MTMR9: variants seen among roughly 807,000 people sequenced by gnomAD.
MTMR9 encodes the protein myotubularin-related protein 9.
A neutral mutation model predicts 69.5 loss-of-function variants in MTMR9; 39 were observed. The observed-to-expected ratio is 0.56, with a 90% confidence interval of 0.43 to 0.73. MTMR9 has a LOEUF of 0.73. Among genes scored for constraint, MTMR9 ranks in the 30% least tolerant of loss-of-function variants. MTMR9 has a pLI of 0.00. For missense variants in MTMR9, 900 were observed against 671.2 expected, an observed-to-expected ratio of 1.34 and a Z score of -3.77; for synonymous variants, 354 against 240.8, an observed-to-expected ratio of 1.47 and a Z score of -4.35.
At chr8:11,287,865 A>G (rs1375407059) in intron 1 of MTMR9, among the ~76,000 whole-genome samples, 1 of 110,854 alleles carries the variant, frequency 9.0e-6, no homozygotes, top group African/African-American at 4.6e-5. Context: ...GTTATATATT[A>G]TATTATAATA....
At chr8:11,330,519 T>A (rs988559350), downstream of MTMR9, among the ~76,000 whole-genome samples, 1 of 152,132 alleles carries the variant, frequency 6.6e-6, no homozygotes. Flanking sequence ...AGATTGTTGC[T>A]GTGTCTGTGT....
At chr8:11,288,256 A>G (rs979260073) in intron 1 of MTMR9, among the ~76,000 whole-genome samples, 3 of 132,336 alleles carry the variant, frequency 2.3e-5, no homozygotes, top group African/African-American at 9.4e-5. Context: ...TTATATTATA[A>G]TAATTATATA....
chr8:11,317,644 C>T (rs1278243011), intron 8 of MTMR9: 1 of 152,274 alleles, frequency 6.6e-6, no homozygotes, highest in Non-Finnish European at 1.5e-5. Flanking sequence ...GATCCCTGGC[C>T]TAAATTACAG....
At chr8:11,332,843 A>G (rs943993714), downstream of MTMR9, among the ~76,000 whole-genome samples, 5 of 152,038 alleles carry the variant, frequency 3.3e-5, no homozygotes, top group Admixed American at 3.3e-4. Context: ...CTTGTGATCC[A>G]CCCGCCTTGG....
chr8:11,316,616 T>C, intron 7 of MTMR9, 57 bp from the exon 8 acceptor site: 1 of 1,158,858 alleles, frequency 8.6e-7, no homozygotes, highest in Non-Finnish European at 1.2e-6. Flanking sequence ...GTCGGTAGAA[T>C]GCTCTGTCAT....
downstream of MTMR9, chr8:11,332,105 A>G (rs767608848): frequency 3.1e-6 from 5 of 1,611,904 alleles, 1 homozygote; most frequent in Admixed American, 3.3e-5. Context: ...GTGAGAGGAC[A>G]GGGAAGGTGG....
chr8:11,301,094 G>C (rs1314658380), intron 3 of MTMR9, among the ~76,000 whole-genome samples: 1 of 152,164 alleles, frequency 6.6e-6, no homozygotes, highest in African/African-American at 2.4e-5. Flanking sequence ...TAAAGTGGCA[G>C]TTCTCCCTTA....
In MTMR9 at chr8:11,316,866, C is replaced by T. The variant is rs1563283636; in HGVS notation, c.1307C>T (p.Thr436Ile). 2 of 1,605,566 alleles carry T rather than the reference C, an allele frequency of 1.2e-6. No individual in the cohort carries two copies. The highest frequency in any genetic ancestry group is 1.1e-5 in the South Asian group (1 of 89,452). ...CATGCTTATGCCTCACAGTTTGGAA[C>T]ATTTCTGGGCAACAATGAAAGTGAA... ...FEHAYASQFG[T>I]FLGNNESERC... The change falls in exon 8 of 10, where the codon ACA (threonine) becomes ATA (isoleucine). Residue 436 changes from threonine (T) to isoleucine (I), a missense_variant. Physicochemically the swap from Thr to Ile is moderately conservative, Grantham distance 89. Coordinates refer to ENST00000221086, the MANE Select transcript of MTMR9 (RefSeq NM_015458.4).
At chr8:11,298,027 A>G (rs1349206279) in intron 2 of MTMR9, 8 of 436,414 alleles carry the variant, frequency 1.8e-5, no homozygotes, top group Non-Finnish European at 2.8e-5. Context: ...ACTCAAATAT[A>G]TTCTGCTGCC....
At chr8:11,311,802 G>C (rs1157277519) in intron 6 of MTMR9, among the ~76,000 whole-genome samples, 1 of 151,800 alleles carries the variant, frequency 6.6e-6, no homozygotes, top group Non-Finnish European at 1.5e-5. Context: ...TTTACCCACG[G>C]TTGAACTTGC....
chr8:11,305,037 T>G, intron 4 of MTMR9, 23 bp downstream of exon 4: 1 of 1,607,012 alleles, frequency 6.2e-7, no homozygotes, highest in Non-Finnish European at 8.5e-7. Flanking sequence ...CACTACTGCT[T>G]GATGTACTGA....
In MTMR9 at chr8:11,306,179, T is replaced by G. The variant is rs1462847654; in HGVS notation, c.592-11T>G. 2.5e-6 allele frequency: 4 copies of G among 1,611,224 alleles called. No homozygotes were observed. The African/African-American group carries it at 5.3e-5, about 22-fold the overall frequency. The stretch of plus-strand genomic sequence containing the variant: ...ACTGCTGTTGAATTTTCAGCTTTAT[T>G]ATGCTTCTAGGTAATTATGCGAAGT... On this transcript the variant is annotated splice_polypyrimidine_tract_variant and intron_variant, in intron 4 of 9. Transcript: ENST00000221086.
At chr8:11,329,099 A>G (rs1285573580), downstream of MTMR9, among the ~76,000 whole-genome samples, 1 of 152,098 alleles carries the variant, frequency 6.6e-6, no homozygotes, top group Non-Finnish European at 1.5e-5. Flanking sequence ...ATGCATATTC[A>G]TTTCTGTGCA....
intron 3 of MTMR9, among the ~76,000 whole-genome samples, chr8:11,301,655 T>C (rs1799752973): frequency 6.6e-6 from 1 of 152,196 alleles, no homozygotes; most frequent in Non-Finnish European, 1.5e-5. Flanking sequence ...TTTCCTAGTA[T>C]TGGGTGTTAC....
intron 8 of MTMR9, chr8:11,317,516 A>C (rs1344102260): frequency 6.6e-6 from 1 of 152,110 alleles, no homozygotes; most frequent in Non-Finnish European, 1.5e-5. Flanking sequence ...TTCTCTGAGA[A>C]TCTGATGCTG....
intron 5 of MTMR9, among the ~76,000 whole-genome samples, chr8:11,309,186 G>T (rs1234571586): frequency 2.6e-5 from 4 of 152,102 alleles, no homozygotes; most frequent in Non-Finnish European, 4.4e-5. Flanking sequence ...TGTTAGATCG[G>T]TGGGAACAGG....
Position 11,288,093 on chromosome 8 carries a change from A to T in MTMR9, c.182+3023A>T, listed in dbSNP as rs535661722. On this transcript the variant is annotated intron_variant, in intron 1 of 9. Coordinates refer to ENST00000221086, the MANE Select transcript of MTMR9 (RefSeq NM_015458.4). Reference sequence around the variant, plus strand: ...TATATTTCACCTATATAATATATATAATTATTCACCTAATTATATTAAATA... The same window carrying T: ...TATATTTCACCTATATAATATATATTATTATTCACCTAATTATATTAAATA... 4.3e-3 allele frequency among the ~76,000 whole-genome samples: 563 copies of T among 131,086 alleles called. 6 individuals are homozygous for T. The highest frequency in any genetic ancestry group is 0.015 in the African/African-American group (532 of 34,952). 86.0% of individuals were successfully genotyped at this position (131,086 alleles called of 152,430 possible). A position where few individuals can be genotyped will look rare whatever the true frequency, so the allele number is the denominator to read the frequency against.
At chr8:11,288,738 G>C (rs1799279549) in intron 1 of MTMR9, among the ~76,000 whole-genome samples, 1 of 152,222 alleles carries the variant, frequency 6.6e-6, no homozygotes, top group Admixed American at 6.5e-5. Context: ...TTTCATGGGA[G>C]CCCTTGGAGA....
Position 11,326,508 on chromosome 8 carries a change from C to A in MTMR9, c.*3720C>A, listed in dbSNP as rs1349950605. 2.0e-5 allele frequency: 3 copies of A among 148,710 alleles called. No homozygotes were observed. Among genetic ancestry groups the A allele is most frequent in the African/African-American group, 7.7e-5 (3 of 38,954 alleles). 9.2% of individuals were successfully genotyped at this position (148,710 alleles called of 1,614,324 possible). On this transcript the variant is annotated 3_prime_UTR_variant, in exon 10 of 10. Transcript: ENST00000221086. Reference sequence around the variant, plus strand: ...TGTTGTTGTTGTTTTAATTGGGCAACCCTCAGAACTGAAGAGGTTCAGAGA... The same window carrying A: ...TGTTGTTGTTGTTTTAATTGGGCAAACCTCAGAACTGAAGAGGTTCAGAGA...
Sources: gnomAD v4.1 joint callset for allele counts (sites outside exome capture counted in the v4.1 genomes callset) on GRCh38, gnomAD v4.1.1 for gene constraint, MANE v1.5 for transcripts, NCBI Gene and HGNC (gene_info 2026-07-23, HGNC 2026-07-21) for gene names.